The following KCNB2 variants were observed in gnomAD, a reference collection of about 807,000 sequenced individuals.
The protein encoded by KCNB2 is delayed rectifier potassium channel protein.
A neutral mutation model predicts 61.5 loss-of-function variants in KCNB2; 15 were observed. The observed-to-expected ratio is 0.24, with a 90% CI of 0.16 to 0.38. KCNB2 has a LOEUF of 0.38. Among genes scored for constraint, KCNB2 ranks in the 10% least tolerant of loss-of-function variants. The probability of loss-of-function intolerance (pLI) is 1.00; values close to 1 mark genes in which losing one functional copy is unlikely to be tolerated. For synonymous variants in KCNB2, 457 were observed against 446.0 expected (o/e 1.02, Z -0.31); for missense variants, 828 against 1,125.2 (o/e 0.74, Z 3.78).
At chr8:72,752,486 C>T (rs1205543527) in intron 2 of KCNB2, among the ~76,000 whole-genome samples, 1 of 152,104 alleles carries the variant, frequency 6.6e-6, no homozygotes, top group Non-Finnish European at 1.5e-5. Context: ...TCTTTTCTCC[C>T]TCACTGCTGG....
intron 2 of KCNB2, among the ~76,000 whole-genome samples, chr8:72,635,493 C>T (rs1267973626): frequency 6.6e-6 from 1 of 152,142 alleles, no homozygotes; most frequent in Admixed American, 6.6e-5. Flanking sequence ...TGTGATTCTG[C>T]TGGGGAATAT....
chr8:72,728,954 C>T (rs560186389), intron 2 of KCNB2, among the ~76,000 whole-genome samples: 1 of 152,268 alleles, frequency 6.6e-6, no homozygotes, highest in African/African-American at 2.4e-5. Flanking sequence ...AAGAGTACAA[C>T]GTTAAAGACT....
intron 2 of KCNB2, among the ~76,000 whole-genome samples, chr8:72,834,676 G>T (rs1254327721): frequency 6.6e-6 from 1 of 152,052 alleles, no homozygotes; most frequent in African/African-American, 2.4e-5. Context: ...GAGTGATCTT[G>T]GTGTCCATAC....
chr8:72,642,013 C>T (rs1426311205), intron 2 of KCNB2, among the ~76,000 whole-genome samples: 4 of 152,140 alleles, frequency 2.6e-5, no homozygotes, highest in Non-Finnish European at 5.9e-5. Flanking sequence ...CTCTGCTAAG[C>T]TCAGCTCAGG....
At chr8:72,680,584 G>A (rs1318031116) in intron 2 of KCNB2, among the ~76,000 whole-genome samples, 1 of 152,168 alleles carries the variant, frequency 6.6e-6, no homozygotes, top group Non-Finnish European at 1.5e-5. Flanking sequence ...GTCCAGGTGG[G>A]AGGCAGTGAG....
At chr8:72,843,879 A>G (rs2129002802) in intron 2 of KCNB2, among the ~76,000 whole-genome samples, 1 of 151,962 alleles carries the variant, frequency 6.6e-6, no homozygotes, top group Non-Finnish European at 1.5e-5. Flanking sequence ...ATGGGTCTTG[A>G]CTCTTTATCC....
intron 2 of KCNB2, among the ~76,000 whole-genome samples, chr8:72,615,352 T>G (rs929390056): frequency 2.0e-5 from 3 of 152,160 alleles, no homozygotes; most frequent in Non-Finnish European, 4.4e-5. Context: ...GGCTCTGAAA[T>G]CACACACTGA....
At chr8:72,847,173 C>T (rs1810010364) in intron 2 of KCNB2, among the ~76,000 whole-genome samples, 1 of 152,164 alleles carries the variant, frequency 6.6e-6, no homozygotes, top group South Asian at 2.1e-4. Flanking sequence ...AGACTGGGGG[C>T]AATGGCTCCT....
At chr8:72,888,614 T>G (rs1805845423) in intron 2 of KCNB2, among the ~76,000 whole-genome samples, 1 of 152,132 alleles carries the variant, frequency 6.6e-6, no homozygotes, top group Non-Finnish European at 1.5e-5. Context: ...TCCATAAACA[T>G]AAAGGTAAAT....
intron 2 of KCNB2, among the ~76,000 whole-genome samples, chr8:72,885,183 A>G (rs966250463): frequency 1.3e-5 from 2 of 152,110 alleles, no homozygotes; most frequent in East Asian, 1.9e-4. Context: ...TGCATTCTTA[A>G]CTAAATATTC....
Position 72,608,131 on chromosome 8 carries a change from G to A in KCNB2, c.579+39818G>A, listed in dbSNP as rs576535603. ...TTTCAAAGTAGAGTGATGTGATAGA[G>A]ACTTCTGGGTGGCTCCTCCAGATCT... On this transcript the variant is annotated intron_variant, in intron 2 of 2. Coordinates refer to ENST00000523207, the MANE Select transcript of KCNB2 (RefSeq NM_004770.3). Among the ~76,000 whole-genome samples the A allele has an allele frequency of 2.6e-5, 4 of 152,272 alleles. No individual in the cohort carries two copies. The South Asian group carries it at 8.3e-4, about 32-fold the overall frequency.
At position 72,933,441 on chromosome 8, in the gene KCNB2, G is replaced by A. The variant is rs544271451; in HGVS notation, c.580-2494G>A. Among the ~76,000 whole-genome samples, 209 of 152,318 alleles carry A rather than the reference G, an allele frequency of 1.4e-3. 1 individual carries two copies. The highest frequency in any genetic ancestry group is 4.9e-3 in the African/African-American group (203 of 41,566). ...CCTCTCTTTGAAGTGATAAACACAT[G>A]TCAGTAAAATGCATTCAAAATTAAC... On this transcript the variant is annotated intron_variant, in intron 2 of 2. Coordinates refer to ENST00000523207, the MANE Select transcript of KCNB2 (RefSeq NM_004770.3).
intron 2 of KCNB2, among the ~76,000 whole-genome samples, chr8:72,841,363 TTTTTTTTTC>T (rs1220402451): frequency 0.067 from 650 of 9,658 alleles, 6 homozygotes; most frequent in African/African-American, 0.15. Flanking sequence ...TTTCTTTTCT[TTTTTTTTTC>T]TTTTTTTTTT....
At position 72,699,728 on chromosome 8, in the gene KCNB2, G is replaced by A. The variant is rs536409747; in HGVS notation, c.579+131415G>A. Among the ~76,000 whole-genome samples, 5 of 152,160 alleles carry A rather than the reference G, an allele frequency of 3.3e-5. No individual in the cohort carries two copies. The East Asian group carries it at 5.8e-4, about 18-fold the overall frequency. On this transcript the variant is annotated intron_variant, in intron 2 of 2. Coordinates refer to ENST00000523207, the MANE Select transcript of KCNB2 (RefSeq NM_004770.3). ...TCTTCTAGGGTTTTTATGGTTTTGG[G>A]TTTTACATTTAAGTCTTTAATCCAT...
At position 72,720,331 on chromosome 8, in the gene KCNB2, T is replaced by C. The variant is rs191314323; in HGVS notation, c.579+152018T>C. 6.6e-5 allele frequency among the ~76,000 whole-genome samples: 10 copies of C among 152,312 alleles called. No individual in the cohort carries two copies. The South Asian group carries it at 1.5e-3, about 22-fold the overall frequency. On this transcript the variant is annotated intron_variant, in intron 2 of 2. Coordinates refer to ENST00000523207, the MANE Select transcript of KCNB2 (RefSeq NM_004770.3). ...CTTCTTTCCATTTCCTCATCTGTTC[T>C]GGAGAAAACCTCTCTGCATCTTAGT...
chr8:72,698,849 A>G (rs1264110761), intron 2 of KCNB2, among the ~76,000 whole-genome samples: 2 of 152,310 alleles, frequency 1.3e-5, no homozygotes, highest in Admixed American at 6.5e-5. Flanking sequence ...CTTTCACCAG[A>G]TAAAAAAATT....
intron 2 of KCNB2, among the ~76,000 whole-genome samples, chr8:72,932,651 T>C (rs1046400629): frequency 1.3e-5 from 2 of 152,180 alleles, no homozygotes; most frequent in Admixed American, 6.5e-5. Flanking sequence ...TATAAGGGCA[T>C]TGGCTTTTTC....
chr8:72,830,239 A>G (rs1809670565), intron 2 of KCNB2, among the ~76,000 whole-genome samples: 1 of 151,144 alleles, frequency 6.6e-6, no homozygotes, highest in Non-Finnish European at 1.5e-5. Flanking sequence ...AAAAAAAAAA[A>G]AAAAAAAAAA....
chr8:72,600,169 A>T (rs1318108906), intron 2 of KCNB2, among the ~76,000 whole-genome samples: 2 of 152,208 alleles, frequency 1.3e-5, no homozygotes, highest in Non-Finnish European at 2.9e-5. Context: ...CATTATTCAC[A>T]ATAGCAAAGA....
Sources: gnomAD v4.1 joint callset for allele counts (sites outside exome capture counted in the v4.1 genomes callset) on GRCh38, gnomAD v4.1.1 for gene constraint, MANE v1.5 for transcripts, NCBI Gene and HGNC (gene_info 2026-07-23, HGNC 2026-07-21) for gene names.